The following LCK variants were observed in gnomAD, a reference collection of about 807,000 sequenced individuals.
The protein encoded by LCK is LCK proto-oncogene, Src family tyrosine kinase, also known as tyrosine-protein kinase Lck.
In LCK, 14 loss-of-function variants were observed where a neutral mutation model predicts 64.6. The observed-to-expected ratio is 0.22, with a 90% CI of 0.14 to 0.34. LCK has a LOEUF of 0.34. LCK is among the 10% of genes least tolerant of loss of function. LCK has a pLI of 1.00. For synonymous variants in LCK, 277 were observed against 263.6 expected (o/e 1.05, Z -0.49); for missense variants, 434 against 668.1 (o/e 0.65, Z 3.86).
rs140830078 is a variant in LCK, at chr1:32,262,787, A to G, written c.-6+11416A>G. 1.8e-3 allele frequency among the ~76,000 whole-genome samples: 274 copies of G among 150,784 alleles called. 1 individual carries two copies. Among genetic ancestry groups the G allele is most frequent in the African/African-American group, 6.3e-3 (259 of 41,258 alleles). Reference sequence around the variant, plus strand: ...CAACATGATCTAACCAGGTTAATAAATGAGGTCAGTAAAAAGAAAATCAAA... The same window carrying G: ...CAACATGATCTAACCAGGTTAATAAGTGAGGTCAGTAAAAAGAAAATCAAA... On this transcript the variant is annotated intron_variant, in intron 1 of 12. Transcript: ENST00000336890.
chr1:32,270,419 G>T (rs1268607442), intron 1 of LCK, among the ~76,000 whole-genome samples: 1 of 147,718 alleles, frequency 6.8e-6, no homozygotes, highest in Non-Finnish European at 1.5e-5. Context: ...TTTTGAGATG[G>T]AGTCTCGCTC....
In LCK at chr1:32,275,030, T is replaced by C. The variant is rs1640213612; in HGVS notation, c.225T>C (p.Ser75=). The change falls in exon 4 of 13, where the codon TCT becomes TCC. Residue 75 remains serine, a synonymous_variant. Transcript: ENST00000336890. The surrounding 1 kb of genome is among the most constrained non-coding windows in gnomAD (Gnocchi z 6.9). The part of the protein sequence containing the change: ...LVIALHSYEP[S]HDGDLGFEKG... ...TCGCTCTGCACAGCTATGAGCCCTC[T>C]CACGACGGAGATCTGGGCTTTGAGA... The C allele has an allele frequency of 6.2e-7, 1 of 1,614,148 alleles. No individual in the cohort carries two copies. Among genetic ancestry groups the C allele is most frequent in the Non-Finnish European group, 8.5e-7 (1 of 1,180,014 alleles).
intron 9 of LCK, among the ~76,000 whole-genome samples, chr1:32,279,358 A>G (rs1640379559): frequency 6.6e-6 from 1 of 152,120 alleles, no homozygotes; most frequent in South Asian, 2.1e-4. Context: ...TCAAAGGCAG[A>G]GTGGGGGAAA....
chr1:32,276,941 G>A lies in LCK; in HGVS notation c.964+155G>A, dbSNP rs1241604218. ...TGGAGACTCACCTCCAGCCGGGCGC[G>A]GTGGCTCAGGCCTGTAATCCCAGCA... On this transcript the variant is annotated intron_variant, in intron 9 of 12. Transcript: ENST00000336890. This position sits in a 1 kb window ranked among gnomAD's most constrained non-coding sequence, Gnocchi z 4.6. The A allele has an allele frequency of 8.1e-6, 6 of 736,538 alleles. No homozygotes were observed. The highest frequency in any genetic ancestry group is 2.2e-5 in the South Asian group (1 of 45,182). The allele number at this position is 736,538 out of a possible 1,614,324, so 45.6% of individuals were successfully genotyped here. A position where few individuals can be genotyped will look rare whatever the true frequency, so the allele number is the denominator to read the frequency against.
intron 12 of LCK, among the ~76,000 whole-genome samples, chr1:32,280,740 A>G (rs1640434243): frequency 6.6e-6 from 1 of 151,840 alleles, no homozygotes; most frequent in Non-Finnish European, 1.5e-5. Context: ...GGCGTGAGCC[A>G]CCACACCCGG....
chr1:32,256,494 A>C (rs951979349), intron 1 of LCK, among the ~76,000 whole-genome samples: 3 of 151,770 alleles, frequency 2.0e-5, no homozygotes, highest in African/African-American at 7.3e-5. Flanking sequence ...GTTACTTGGG[A>C]GGCTGAGACA....
Position 32,261,086 on chromosome 1 carries a change from T to C in LCK, c.-6+9715T>C, listed in dbSNP as rs756864921. On this transcript the variant is annotated intron_variant, in intron 1 of 12. Coordinates refer to ENST00000336890, the MANE Select transcript of LCK (RefSeq NM_005356.5). ...TTAATTTAATTAATTTTTTCTTTTTTTGAGACAGGGTCCCCTGTCGCCCAG... is the reference window on the plus strand; with the variant it reads ...TTAATTTAATTAATTTTTTCTTTTTCTGAGACAGGGTCCCCTGTCGCCCAG... Among the ~76,000 whole-genome samples, 14 of 151,876 alleles carry C rather than the reference T, an allele frequency of 9.2e-5. No individual in the cohort carries two copies. In the Middle Eastern group the frequency reaches 0.01, roughly 111 times the overall value.
chr1:32,278,427 C>G (rs1002411236), intron 9 of LCK, among the ~76,000 whole-genome samples: 2 of 152,038 alleles, frequency 1.3e-5, no homozygotes, highest in Admixed American at 6.6e-5. Context: ...CAGCCTCCCC[C>G]TCCTGGGTTC....
Position 32,275,789 on chromosome 1 carries a change from G to A in LCK, c.481+117G>A. ...TGAGTCGGAGGGGGACGCGGGATGA[G>A]CCCGAGGTGGGGGCGCGGGATGACC... On this transcript the variant is annotated intron_variant, in intron 6 of 12. Transcript: ENST00000336890. This position sits in a 1 kb window ranked among gnomAD's most constrained non-coding sequence, Gnocchi z 6.9. 2.8e-6 allele frequency: 4 copies of A among 1,415,200 alleles called. No individual in the cohort carries two copies. Among genetic ancestry groups the A allele is most frequent in the Non-Finnish European group, 3.8e-6 (4 of 1,042,924 alleles). 87.7% of individuals were successfully genotyped at this position (1,415,200 alleles called of 1,614,324 possible). A position where few individuals can be genotyped will look rare whatever the true frequency, so the allele number is the denominator to read the frequency against.
chr1:32,260,013 CA>C lies in LCK; in HGVS notation c.-6+8643del, dbSNP rs544505407. Reference sequence around the variant, plus strand: ...GGCGAAGAAAATGTTTTAAATGATTCATTTTTTTTTAATTTTATTTTTATTT... The same window carrying C: ...GGCGAAGAAAATGTTTTAAATGATTCTTTTTTTTTAATTTTATTTTTATTT... On this transcript the variant is annotated intron_variant, in intron 1 of 12. Transcript: ENST00000336890. Among the ~76,000 whole-genome samples the C allele has an allele frequency of 2.7e-3, 414 of 151,336 alleles. 1 individual carries two copies. Among genetic ancestry groups the C allele is most frequent in the African/African-American group, 9.4e-3 (388 of 41,166 alleles).
chr1:32,275,516 G>A lies in LCK; in HGVS notation c.378-53G>A. ...GTGGCGGTGAAGGCTTGAGGGCCAC[G>A]GAGGAAGATCCGACGACAGCCGACG... On this transcript the variant is annotated intron_variant, in intron 5 of 12. Coordinates refer to ENST00000336890, the MANE Select transcript of LCK (RefSeq NM_005356.5). This position sits in a 1 kb window ranked among gnomAD's most constrained non-coding sequence, Gnocchi z 6.9. 6.4e-7 allele frequency: 1 copy of A among 1,554,004 alleles called. No homozygotes were observed.
At chr1:32,278,762 A>G (rs1392249561) in intron 9 of LCK, among the ~76,000 whole-genome samples, 4 of 152,338 alleles carry the variant, frequency 2.6e-5, no homozygotes, top group Admixed American at 2.6e-4. Flanking sequence ...GAAGAATGGC[A>G]GTATATCTAT....
chr1:32,257,042 A>G (rs1406272960), intron 1 of LCK, among the ~76,000 whole-genome samples: 1 of 152,174 alleles, frequency 6.6e-6, no homozygotes, highest in East Asian at 1.9e-4. Context: ...AAAGATGTTT[A>G]AGGCCAGTGT....
At position 32,274,799 on chromosome 1, in the gene LCK, G is replaced by T. The variant is rs765261247; in HGVS notation, c.168G>T (p.Pro56=). 1.9e-6 allele frequency: 3 copies of T among 1,613,634 alleles called. No individual in the cohort carries two copies. The highest frequency in any genetic ancestry group is 2.2e-5 in the East Asian group (1 of 44,866). The change falls in exon 3 of 13, where the codon CCG becomes CCT. Residue 56 remains proline (P), a synonymous_variant. Transcript: ENST00000336890. The part of the protein sequence containing the change: ...DPLVTYEGSN[P]PASPLQDNLV... Reference sequence around the variant, plus strand: ...TGGTTACCTACGAAGGCTCCAATCCGCCGGCTTCCCCACTGCAAGGTGACC... The same window carrying T: ...TGGTTACCTACGAAGGCTCCAATCCTCCGGCTTCCCCACTGCAAGGTGACC...
chr1:32,280,443 C>CTTTTTTTTTTTTTTTTTTTTTTTTTTTTT (rs770430504), intron 12 of LCK, among the ~76,000 whole-genome samples: 23 of 84,754 alleles, frequency 2.7e-4, no homozygotes, highest in Non-Finnish European at 3.6e-4. Flanking sequence ...TTTTCTTTTT[C>CTTTTTTTTTTTTTTTTTTTTTTTTTTTTT]TTTTTTTTTT....
chr1:32,251,429 G>GGCTGCA lies in LCK; in HGVS notation c.-6+63_-6+68dup, dbSNP rs1639502692. 1 of 153,566 alleles carries GGCTGCA rather than the reference G, an allele frequency of 6.5e-6. No individual in the cohort carries two copies. The highest frequency in any genetic ancestry group is 2.0e-4 in the South Asian group (1 of 4,880). The allele number at this position is 153,566 out of a possible 1,614,324, so 9.5% of individuals were successfully genotyped here. A position where few individuals can be genotyped will look rare whatever the true frequency, so the allele number is the denominator to read the frequency against. ...CGGGGTGAGAGGCCTGATAGCAGACGGCTGCAGCTGTGCGGGCCCAGGCTC... is the reference window on the plus strand; with the variant it reads ...CGGGGTGAGAGGCCTGATAGCAGACGGCTGCAGCTGCAGCTGTGCGGGCCCAGGCTC... On this transcript the variant is annotated intron_variant, in intron 1 of 12. Transcript: ENST00000336890. The surrounding 1 kb of genome is among the most constrained non-coding windows in gnomAD (Gnocchi z 4.0).
At chr1:32,257,103 T>C (rs535106219) in intron 1 of LCK, among the ~76,000 whole-genome samples, 1 of 152,308 alleles carries the variant, frequency 6.6e-6, no homozygotes, top group South Asian at 2.1e-4. Flanking sequence ...ATCATCTATA[T>C]ATCACGTATA....
rs1640409524 is a variant in LCK, at chr1:32,280,194, C to T, written c.1311C>T (p.Gly437=). 6 of 1,613,976 alleles carry T rather than the reference C, an allele frequency of 3.7e-6. No homozygotes were observed. Among genetic ancestry groups the T allele is most frequent in the African/African-American group, 1.3e-5 (1 of 74,908 alleles). The change falls in exon 12 of 13, where the codon GGC becomes GGT. Residue 437 remains glycine (G), a synonymous_variant. Transcript: ENST00000336890. ...GILLTEIVTH[G]RIPYPGMTNP... ...TGCTGACGGAAATTGTCACCCACGG[C>T]CGCATCCCTTACCCAGGTTAGAGCC...
chr1:32,269,437 G>GT (rs374362229), intron 1 of LCK: 80 of 150,044 alleles, frequency 5.3e-4, no homozygotes, highest in African/African-American at 1.2e-3. Flanking sequence ...GATTCTGTCT[G>GT]TTTTTTTTTC....
Sources: gnomAD v4.1 joint callset for allele counts (sites outside exome capture counted in the v4.1 genomes callset) on GRCh38, gnomAD v4.1.1 for gene constraint, Gnocchi (gnomAD v3.1) non-coding constraint, MANE v1.5 for transcripts, NCBI Gene and HGNC (gene_info 2026-07-23, HGNC 2026-07-21) for gene names.